The following ESRRG variants were observed in gnomAD, a reference collection of about 807,000 sequenced individuals.
ESRRG encodes the protein estrogen-related receptor gamma.
A neutral mutation model predicts 44.0 loss-of-function variants in ESRRG; 13 were observed. The ratio of observed to expected loss-of-function variants is 0.30; its 90% CI spans 0.19 to 0.47. ESRRG has a LOEUF of 0.47. Among genes scored for constraint, ESRRG ranks in the 20% least tolerant of loss-of-function variants. ESRRG has a pLI of 1.00. For synonymous variants in ESRRG, 215 were observed against 214.6 expected (o/e 1.00, Z -0.02); for missense variants, 395 against 580.6 (o/e 0.68, Z 3.29).
intron 3 of ESRRG, among the ~76,000 whole-genome samples, chr1:216,629,866 C>A (rs1218415558): frequency 6.6e-6 from 1 of 152,104 alleles, no homozygotes; most frequent in Admixed American, 6.5e-5. Flanking sequence ...GGGGAAATGC[C>A]AGTTTACAAT....
At chr1:216,541,600 GTGTGTGTA>G (rs1166256870) in intron 5 of ESRRG, among the ~76,000 whole-genome samples, 2,225 of 141,830 alleles carry the variant, frequency 0.016, 65 homozygotes, top group African/African-American at 0.056. Context: ...GTGTGTGTGT[GTGTGTGTA>G]TGTGATCAGC....
At chr1:216,533,763 C>A (rs2050095847) in intron 5 of ESRRG, among the ~76,000 whole-genome samples, 1 of 152,102 alleles carries the variant, frequency 6.6e-6, no homozygotes, top group Non-Finnish European at 1.5e-5. Flanking sequence ...ATCCCTAATG[C>A]TTTTAGGACA....
chr1:216,926,461 A>C (rs574940324), intron 2 of ESRRG, among the ~76,000 whole-genome samples: 1 of 152,196 alleles, frequency 6.6e-6, no homozygotes, highest in Non-Finnish European at 1.5e-5. Context: ...TGACTCTTAC[A>C]CATGAAATGT....
intron 1 of ESRRG, among the ~76,000 whole-genome samples, chr1:216,989,008 G>T (rs2075284588): frequency 6.6e-6 from 1 of 152,164 alleles, no homozygotes; most frequent in African/African-American, 2.4e-5. Context: ...TCCACCATGA[G>T]ACTTGAAAGG....
At chr1:216,694,344 G>A (rs1575415562) in intron 1 of ESRRG, among the ~76,000 whole-genome samples, 3 of 152,056 alleles carry the variant, frequency 2.0e-5, no homozygotes, top group African/African-American at 7.2e-5. Context: ...AGGAGGGGGT[G>A]GTGCTGAAGA....
chr1:216,876,969 T>C (rs951209280), intron 2 of ESRRG, among the ~76,000 whole-genome samples: 2 of 137,302 alleles, frequency 1.5e-5, no homozygotes, highest in Non-Finnish European at 3.1e-5. Flanking sequence ...CGAGAATCTC[T>C]TCACTAATGT....
chr1:216,593,611 A>G lies in ESRRG; in HGVS notation c.590-25513T>C, dbSNP rs185291354. Reference sequence around the variant, plus strand: ...TCCACTGCTCTCTACACTTCTGTAAAGTTTGAATCATTGTCTAGTTTGAAG... The same window carrying G: ...TCCACTGCTCTCTACACTTCTGTAAGGTTTGAATCATTGTCTAGTTTGAAG... On this transcript the variant is annotated intron_variant, in intron 3 of 6. Coordinates refer to ENST00000408911, the MANE Select transcript of ESRRG (RefSeq NM_001438.4). 3.9e-5 allele frequency among the ~76,000 whole-genome samples: 6 copies of G among 152,338 alleles called. No individual in the cohort carries two copies. In the East Asian group the frequency reaches 7.7e-4, roughly 20 times the overall value.
intron 1 of ESRRG, among the ~76,000 whole-genome samples, chr1:217,135,868 G>C (rs944232247): frequency 2.6e-5 from 4 of 152,192 alleles, no homozygotes; most frequent in Non-Finnish European, 5.9e-5. Flanking sequence ...CTTTTTGACC[G>C]AAGCAACTAA....
chr1:216,519,031 A>G, intron 6 of ESRRG, 121 bp downstream of exon 6: 1 of 762,702 alleles, frequency 1.3e-6, no homozygotes, highest in African/African-American at 1.8e-5. Flanking sequence ...TACTGATTAT[A>G]ATTTTGCTGA....
chr1:216,666,863 C>T (rs1259845135), intron 2 of ESRRG, among the ~76,000 whole-genome samples: 1 of 152,170 alleles, frequency 6.6e-6, no homozygotes, highest in African/African-American at 2.4e-5. Flanking sequence ...ACTTCCTTCT[C>T]AACAGTTACT....
At chr1:216,809,137 C>CT (rs936333414) in intron 2 of ESRRG, among the ~76,000 whole-genome samples, 5 of 152,084 alleles carry the variant, frequency 3.3e-5, no homozygotes, top group African/African-American at 1.2e-4. Context: ...CCAACTATAT[C>CT]TTTTTGCCAA....
chr1:217,027,041 C>G (rs188749073), intron 1 of ESRRG, among the ~76,000 whole-genome samples: 59 of 151,988 alleles, frequency 3.9e-4, no homozygotes, highest in Admixed American at 2.3e-3. Context: ...TACTGCAGGT[C>G]AAGTCCCCCA....
chr1:216,618,878 C>T (rs753136133), intron 3 of ESRRG, among the ~76,000 whole-genome samples: 4 of 152,206 alleles, frequency 2.6e-5, no homozygotes, highest in Non-Finnish European at 5.9e-5. Context: ...CTGGGGTCAA[C>T]GACCAAGCCT....
intron 1 of ESRRG, among the ~76,000 whole-genome samples, chr1:216,959,322 G>A (rs758830157): frequency 6.7e-5 from 9 of 134,942 alleles, no homozygotes; most frequent in Non-Finnish European, 1.3e-4. Flanking sequence ...TTTTAAAAGC[G>A]GCAGATATAT....
At chr1:216,876,687 GGTCA>G (rs2096359989) in intron 2 of ESRRG, among the ~76,000 whole-genome samples, 1 of 151,016 alleles carries the variant, frequency 6.6e-6, no homozygotes, top group Non-Finnish European at 1.5e-5. Flanking sequence ...GATTGATTAT[GGTCA>G]GTATTATTCA....
At chr1:216,601,972 A>C (rs2059319472) in intron 3 of ESRRG, among the ~76,000 whole-genome samples, 1 of 152,206 alleles carries the variant, frequency 6.6e-6, no homozygotes. Context: ...AATTAACAAC[A>C]ACAAAGTGAA....
intron 1 of ESRRG, among the ~76,000 whole-genome samples, chr1:216,994,261 T>G (rs1318275206): frequency 1.3e-5 from 2 of 152,214 alleles, no homozygotes; most frequent in African/African-American, 4.8e-5. Flanking sequence ...TCATTTCAAC[T>G]GACAATTGTT....
At chr1:216,618,765 A>C (rs1322854917) in intron 3 of ESRRG, among the ~76,000 whole-genome samples, 2 of 152,200 alleles carry the variant, frequency 1.3e-5, no homozygotes, top group Admixed American at 6.5e-5. Context: ...TCTATGTTTA[A>C]GGTTAGGAGT....
intron 2 of ESRRG, among the ~76,000 whole-genome samples, chr1:216,768,235 C>T (rs964306460): frequency 2.0e-5 from 3 of 152,072 alleles, no homozygotes; most frequent in Admixed American, 6.6e-5. Flanking sequence ...ACTATGCTGC[C>T]CTGTTATAGC....
Sources: gnomAD v4.1 joint callset for allele counts (sites outside exome capture counted in the v4.1 genomes callset) on GRCh38, gnomAD v4.1.1 for gene constraint, MANE v1.5 for transcripts, NCBI Gene and HGNC (gene_info 2026-07-23, HGNC 2026-07-21) for gene names.